The following CSMD3 variants were observed in gnomAD, a reference collection of about 807,000 sequenced individuals.
CSMD3 encodes the protein CUB and sushi domain-containing protein 3.
Under a neutral mutation model 435.2 loss-of-function variants are expected in CSMD3, and 177 were observed. The observed-to-expected ratio is 0.41, with a 90% CI of 0.36 to 0.46. The LOEUF (loss-of-function observed/expected upper bound fraction) is 0.46, where lower values mean the gene tolerates loss of function less well. Among genes scored for constraint, CSMD3 ranks in the 20% least tolerant of loss-of-function variants. CSMD3 has a pLI of 0.34. For missense variants in CSMD3, 4,265 were observed against 4,504.6 expected, an observed-to-expected ratio of 0.95 and a Z score of 1.52; for synonymous variants, 1,656 against 1,520.5, an observed-to-expected ratio of 1.09 and a Z score of -2.07.
At chr8:113,208,206 T>A (rs1320525361) in intron 3 of CSMD3, among the ~76,000 whole-genome samples, 1 of 152,202 alleles carries the variant, frequency 6.6e-6, no homozygotes, top group East Asian at 1.9e-4. Flanking sequence ...CCATTAATGT[T>A]GAAGATTCCT....
chr8:113,360,012 CAT>C (rs2094261143), intron 1 of CSMD3, among the ~76,000 whole-genome samples: 1 of 152,124 alleles, frequency 6.6e-6, no homozygotes, highest in Non-Finnish European at 1.5e-5. Context: ...TTTACACACA[CAT>C]TGAGGAGAGG....
At chr8:112,292,447 T>C (rs752339282) in intron 55 of CSMD3, 90 bp downstream of exon 55, 42 of 1,326,280 alleles carry the variant, frequency 3.2e-5, no homozygotes, top group Non-Finnish European at 4.4e-5. Context: ...AACTTTTTAC[T>C]ATTCTGCTCA....
intron 3 of CSMD3, among the ~76,000 whole-genome samples, chr8:113,218,972 A>C (rs72687656): frequency 0.064 from 9,737 of 151,356 alleles, 435 homozygotes; most frequent in Non-Finnish European, 0.094. Context: ...AAACAGCCAA[A>C]CCATATCACA....
At chr8:112,758,836 G>T (rs1225519107) in intron 13 of CSMD3, among the ~76,000 whole-genome samples, 2 of 152,070 alleles carry the variant, frequency 1.3e-5, no homozygotes, top group African/African-American at 4.8e-5. Context: ...TTTTAATGGG[G>T]ATGGTATTTA....
In CSMD3 at chr8:112,257,022, T is replaced by C. The variant is rs1815873780; in HGVS notation, c.9863-1595A>G. Among the ~76,000 whole-genome samples the C allele has an allele frequency of 2.0e-5, 3 of 152,164 alleles. No individual in the cohort carries two copies. The South Asian group carries it at 6.2e-4, about 32-fold the overall frequency. The stretch of plus-strand genomic sequence containing the variant: ...CTTAATGTCCAAATAAAACCTTCCC[T>C]GAAATTCAAGACTACACGATAAACT... On this transcript the variant is annotated intron_variant, in intron 61 of 70. Transcript: ENST00000297405.
At chr8:113,189,279 T>G in intron 3 of CSMD3, among the ~76,000 whole-genome samples, 1 of 151,834 alleles carries the variant, frequency 6.6e-6, no homozygotes, top group East Asian at 1.9e-4. Flanking sequence ...TTGAAACCAA[T>G]TATGACAATT....
At chr8:112,826,768 C>T (rs1254082803) in intron 12 of CSMD3, among the ~76,000 whole-genome samples, 1 of 152,160 alleles carries the variant, frequency 6.6e-6, no homozygotes, top group African/African-American at 2.4e-5. Flanking sequence ...GTTGGCCATA[C>T]TGGCCCTGCC....
intron 1 of CSMD3, among the ~76,000 whole-genome samples, chr8:113,424,227 C>A (rs1320766889): frequency 6.6e-6 from 1 of 151,610 alleles, no homozygotes; most frequent in African/African-American, 2.4e-5. Flanking sequence ...AAGGATAGAT[C>A]ATTCTACCAA....
chr8:112,650,301 T>C lies in CSMD3; in HGVS notation c.3053A>G (p.His1018Arg), dbSNP rs1368469463. The C allele has an allele frequency of 3.1e-6, 5 of 1,613,702 alleles. No homozygotes were observed. The African/African-American group carries it at 5.3e-5, about 17-fold the overall frequency. ...YSCLDPGIPV[H>R]GRRYGHDFSI... ...GAAATCATGACCATAGCGACGGCCA[T>C]GTACAGGTATGCCAGGGTCCAAACA... Residue 1018 changes from histidine to arginine, a missense_variant, in exon 19 of 71, where the codon CAT (histidine) becomes CGT (arginine). By Grantham distance (29) the His-to-Arg change is conservative. Around this residue, in one of 3 missense-constraint regions of CSMD3, gnomAD observed 3,255 missense variants for 3,380.2 expected, o/e 0.96. Transcript: ENST00000297405.
intron 10 of CSMD3, among the ~76,000 whole-genome samples, chr8:112,896,604 T>C (rs1393563095): frequency 6.6e-6 from 1 of 151,450 alleles, no homozygotes; most frequent in East Asian, 2.0e-4. Context: ...GAAATTCATT[T>C]AGTTTTCTCC....
intron 4 of CSMD3, among the ~76,000 whole-genome samples, chr8:113,172,593 G>T (rs1485184262): frequency 6.6e-6 from 1 of 152,180 alleles, no homozygotes; most frequent in Non-Finnish European, 1.5e-5. Flanking sequence ...GTTTTCATTA[G>T]TTAAATGAGG....
chr8:112,706,104 T>A (rs1284695768), intron 13 of CSMD3, among the ~76,000 whole-genome samples: 1 of 152,082 alleles, frequency 6.6e-6, no homozygotes, highest in Admixed American at 6.6e-5. Context: ...GGCACTTTCA[T>A]TGTAAAAATC....
chr8:113,435,133 A>C (rs561159140), intron 1 of CSMD3, among the ~76,000 whole-genome samples: 25 of 152,310 alleles, frequency 1.6e-4, no homozygotes, highest in African/African-American at 6.0e-4. Flanking sequence ...AGCGACAAAG[A>C]AACCTTGTAA....
Position 112,976,032 on chromosome 8 carries a change from T to C in CSMD3, c.1147A>G (p.Thr383Ala), listed in dbSNP as rs2130934222. Residue 383 changes from threonine to alanine, a missense_variant, in exon 7 of 71, where the codon ACA becomes GCA. Physicochemically the swap from Thr to Ala is moderately conservative, Grantham distance 58. This residue lies in a region of CSMD3 where 731 missense variants were observed against 755.4 expected (regional missense o/e 0.97). Coordinates refer to ENST00000297405, the MANE Select transcript of CSMD3 (RefSeq NM_198123.2). ...TPADVTVSSV[T>A]AVTIHRLSEE... Reference sequence around the variant, plus strand: ...GAAAGTCTATGGATGGTGACAGCTGTAACACTGGATACAGTAACATCTGCA... The same window carrying C: ...GAAAGTCTATGGATGGTGACAGCTGCAACACTGGATACAGTAACATCTGCA... The C allele has an allele frequency of 6.2e-7, 1 of 1,614,056 alleles. No individual in the cohort carries two copies. The highest frequency in any genetic ancestry group is 8.5e-7 in the Non-Finnish European group (1 of 1,179,950).
At chr8:112,457,215 T>G (rs1376153894) in intron 32 of CSMD3, among the ~76,000 whole-genome samples, 1 of 152,024 alleles carries the variant, frequency 6.6e-6, no homozygotes, top group African/African-American at 2.4e-5. Context: ...TGAAAATAAT[T>G]GGACACATGC....
intron 1 of CSMD3, among the ~76,000 whole-genome samples, chr8:113,341,715 GT>G (rs1484324705): frequency 6.6e-6 from 1 of 152,010 alleles, no homozygotes; most frequent in African/African-American, 2.4e-5. Flanking sequence ...TTTTACTCTA[GT>G]TTTGCTACTA....
At chr8:112,383,515 T>G in intron 37 of CSMD3, 52 bp downstream of exon 37, 2 of 1,037,324 alleles carry the variant, frequency 1.9e-6, no homozygotes, top group South Asian at 2.6e-5. Flanking sequence ...TTAATTTTTT[T>G]TATATTCCTA....
chr8:112,271,076 C>G (rs1426716371), intron 59 of CSMD3, among the ~76,000 whole-genome samples: 1 of 151,998 alleles, frequency 6.6e-6, no homozygotes, highest in Non-Finnish European at 1.5e-5. Flanking sequence ...TCTACTAGAT[C>G]CTCTTTGTCA....
chr8:112,377,244 T>A (rs958885674), intron 38 of CSMD3, among the ~76,000 whole-genome samples: 2 of 151,536 alleles, frequency 1.3e-5, no homozygotes, highest in African/African-American at 4.9e-5. Flanking sequence ...AAAAATTGAA[T>A]AACCCAGAAA....
Sources: gnomAD v4.1 joint callset for allele counts (sites outside exome capture counted in the v4.1 genomes callset) on GRCh38, gnomAD v4.1.1 for gene constraint, gnomAD v4.1.1 regional missense constraint, MANE v1.5 for transcripts, NCBI Gene and HGNC (gene_info 2026-07-23, HGNC 2026-07-21) for gene names.